The following HORMAD2 variants were observed in gnomAD, a reference collection of about 807,000 sequenced individuals.
HORMAD2 encodes HORMA domain containing 2.
In HORMAD2, 45 loss-of-function variants were observed where a neutral mutation model predicts 38.8. The observed-to-expected ratio is 1.16, with a 90% CI of 0.91 to 1.49. The LOEUF is 1.49. Ranked by LOEUF, HORMAD2 falls within the 40% of genes most tolerant of loss-of-function variation. HORMAD2 has a pLI of 0.00. For synonymous variants in HORMAD2, 126 were observed against 122.8 expected, an observed-to-expected ratio of 1.03 and a Z score of -0.17; for missense variants, 338 against 367.0, an observed-to-expected ratio of 0.92 and a Z score of 0.65.
At chr22:30,120,139 A>G (rs1922330334) in intron 8 of HORMAD2, among the ~76,000 whole-genome samples, 1 of 152,206 alleles carries the variant, frequency 6.6e-6, no homozygotes, top group South Asian at 2.1e-4. Flanking sequence ...TAAAACAAAA[A>G]TGGCCAAATC....
chr22:30,090,317 C>T (rs1410525331), intron 1 of HORMAD2, among the ~76,000 whole-genome samples: 1 of 152,186 alleles, frequency 6.6e-6, no homozygotes, highest in African/African-American at 2.4e-5. Flanking sequence ...GAGCCGAGAT[C>T]ACGCCATTGC....
chr22:30,120,106 C>T (rs755172370), intron 8 of HORMAD2, among the ~76,000 whole-genome samples: 4 of 152,160 alleles, frequency 2.6e-5, no homozygotes, highest in Admixed American at 6.6e-5. Flanking sequence ...GTTCTGAAGG[C>T]ACATATGCCA....
intron 10 of HORMAD2, among the ~76,000 whole-genome samples, chr22:30,129,217 C>CAAAAAAAAAAAAAAAAA (rs750796623): frequency 4.4e-5 from 1 of 22,650 alleles, no homozygotes; most frequent in African/African-American, 1.4e-4. Context: ...GACTCTATCT[C>CAAAAAAAAAAAAAAAAA]AAAAAAAAAA....
At chr22:30,140,534 A>G (rs905603291) in intron 10 of HORMAD2, among the ~76,000 whole-genome samples, 6 of 152,104 alleles carry the variant, frequency 3.9e-5, no homozygotes, top group Admixed American at 6.6e-5. Context: ...TAATTTAGGC[A>G]ATTTCCATTT....
chr22:30,147,145 CA>C (rs1924467591), intron 10 of HORMAD2, among the ~76,000 whole-genome samples: 1 of 152,080 alleles, frequency 6.6e-6, no homozygotes, highest in Non-Finnish European at 1.5e-5. Flanking sequence ...CAATCCCAAT[CA>C]AAACTTTACA....
At chr22:30,182,872 A>G in the HORMAD2 span, among the ~76,000 whole-genome samples, 7,321 of 152,252 alleles carry the variant, frequency 0.048, 590 homozygotes, top group African/African-American at 0.17. Flanking sequence ...CATTCACATG[A>G]TTTAAAATTC....
intron 10 of HORMAD2, chr22:30,137,286 A>T (rs917215106): frequency 6.2e-5 from 33 of 535,682 alleles, no homozygotes; most frequent in South Asian, 1.2e-4. Flanking sequence ...TGAGGCCATC[A>T]GATGCAATTT....
chr22:30,166,065 C>T (rs561844247), intron 10 of HORMAD2, among the ~76,000 whole-genome samples: 18 of 150,316 alleles, frequency 1.2e-4, no homozygotes, highest in African/African-American at 3.9e-4. Flanking sequence ...TTAAGGTTTT[C>T]CCATATATTT....
intron 4 of HORMAD2, 64 bp downstream of exon 4, chr22:30,103,564 T>C (rs897043079): frequency 5.5e-6 from 4 of 731,200 alleles, no homozygotes; most frequent in Non-Finnish European, 6.8e-6. Context: ...AAATTACCCA[T>C]AAGACTTTAT....
intron 5 of HORMAD2, among the ~76,000 whole-genome samples, chr22:30,109,877 A>G (rs187351129): frequency 3.3e-4 from 50 of 152,252 alleles, no homozygotes; most frequent in Non-Finnish European, 5.9e-5. Flanking sequence ...TGCCTCCAGA[A>G]CTAGAATATA....
chr22:30,112,551 G>A, intron 7 of HORMAD2, 29 bp downstream of exon 7: 1 of 1,055,072 alleles, frequency 9.5e-7, no homozygotes, highest in Non-Finnish European at 1.3e-6. Context: ...GTATAGGTGG[G>A]TAGTATATGT....
At chr22:30,140,239 G>A (rs1284976226) in intron 10 of HORMAD2, among the ~76,000 whole-genome samples, 2 of 151,934 alleles carry the variant, frequency 1.3e-5, no homozygotes, top group Admixed American at 1.3e-4. Context: ...ACTCCAGCCT[G>A]GGCAACAAAG....
chr22:30,181,719 C>A (rs1247682374), downstream of HORMAD2, among the ~76,000 whole-genome samples: 2 of 152,198 alleles, frequency 1.3e-5, no homozygotes, highest in African/African-American at 4.8e-5. Context: ...AGAACATAGA[C>A]CCAATGGGAG....
intron 7 of HORMAD2, among the ~76,000 whole-genome samples, chr22:30,114,875 C>G (rs1921928369): frequency 6.6e-6 from 1 of 152,178 alleles, no homozygotes; most frequent in Non-Finnish European, 1.5e-5. Context: ...ACGAAAGTAA[C>G]TAAGCATCTA....
In HORMAD2 at chr22:30,129,998, T is replaced by C. The variant is rs140451694; in HGVS notation, c.819+7784T>C. On this transcript the variant is annotated intron_variant, in intron 10 of 10. Coordinates refer to ENST00000336726, the MANE Select transcript of HORMAD2 (RefSeq NM_152510.4). The stretch of plus-strand genomic sequence containing the variant: ...GGCTTTGCTGAAATTTCTTTACTCT[T>C]GGTAATCTCTAACTCAAAGATTTTT... Among the ~76,000 whole-genome samples the C allele has an allele frequency of 6.0e-3, 920 of 152,296 alleles. 8 individuals are homozygous for C. Among genetic ancestry groups the C allele is most frequent in the African/African-American group, 0.021 (875 of 41,574 alleles).
chr22:30,166,231 A>G (rs1477534301), intron 10 of HORMAD2, among the ~76,000 whole-genome samples: 1 of 152,082 alleles, frequency 6.6e-6, no homozygotes, highest in East Asian at 1.9e-4. Flanking sequence ...TATTTCTAGT[A>G]TCTATATTCC....
the HORMAD2 span, among the ~76,000 whole-genome samples, chr22:30,188,397 GA>G: frequency 1.4e-5 from 2 of 142,054 alleles, no homozygotes; most frequent in Admixed American, 7.2e-5. Flanking sequence ...CCCATCTCTG[GA>G]GAAAAAAAAA....
chr22:30,078,089 C>G (rs1181218255), upstream of HORMAD2, among the ~76,000 whole-genome samples: 1 of 152,154 alleles, frequency 6.6e-6, no homozygotes, highest in East Asian at 1.9e-4. Context: ...CACAAGGAGC[C>G]TGCCAAATGG....
chr22:30,162,503 T>C (rs1925509456), intron 10 of HORMAD2, among the ~76,000 whole-genome samples: 1 of 152,166 alleles, frequency 6.6e-6, no homozygotes, highest in Admixed American at 6.5e-5. Context: ...ATCATTTTAA[T>C]ATTCACATAT....
Sources: allele counts gnomAD v4.1 joint callset (sites outside exome capture counted in the v4.1 genomes callset), GRCh38; gene constraint gnomAD v4.1.1; transcripts MANE v1.5; gene names NCBI Gene and HGNC (gene_info 2026-07-23, HGNC 2026-07-21).